Variants in SERGEF observed in about 807,000 individuals in gnomAD.
The protein encoded by SERGEF is secretion regulating guanine nucleotide exchange factor.
Under a neutral mutation model 50.0 loss-of-function variants are expected in SERGEF, and 51 were observed. The ratio of observed to expected loss-of-function variants is 1.02; its 90% CI spans 0.81 to 1.29. The LOEUF (loss-of-function observed/expected upper bound fraction) is 1.29. Ranked by LOEUF, SERGEF falls within the 50% of genes most tolerant of loss-of-function variation. The probability of loss-of-function intolerance (pLI) is 0.00; values close to 1 mark genes in which losing one functional copy is unlikely to be tolerated. For missense variants in SERGEF, 521 were observed against 557.0 expected, an observed-to-expected ratio of 0.94 and a Z score of 0.65; for synonymous variants, 205 against 212.4, an observed-to-expected ratio of 0.97 and a Z score of 0.30.
At chr11:17,826,945 A>ATCAGGTGACCAGCCCAGGT (rs1355888482) in intron 10 of SERGEF, among the ~76,000 whole-genome samples, 2 of 151,992 alleles carry the variant, frequency 1.3e-5, no homozygotes, top group Admixed American at 1.3e-4. Flanking sequence ...GCTTATAAGG[A>ATCAGGTGACCAGCCCAGGT]TCACACAGCT....
chr11:17,921,844 G>A (rs1302009189), intron 9 of SERGEF, among the ~76,000 whole-genome samples: 1 of 152,220 alleles, frequency 6.6e-6, no homozygotes, highest in African/African-American at 2.4e-5. Context: ...AACCAGCCTA[G>A]AATGACCGAC....
rs1380010911 is a variant in SERGEF at position 17,884,426 on chromosome 11, G to A, written c.1012-6182C>T. Among the ~76,000 whole-genome samples, 2 of 151,948 alleles carry A rather than the reference G, an allele frequency of 1.3e-5. No homozygotes were observed. Among genetic ancestry groups the A allele is most frequent in the African/African-American group, 4.8e-5 (2 of 41,360 alleles). The stretch of plus-strand genomic sequence containing the variant: ...GCGAGGGAATGGGCGTCTCGGTGCC[G>A]CCTTTGCTAGAGCTCTGCCCAAACC... On this transcript the variant is annotated intron_variant, in intron 9 of 10. Transcript: ENST00000265965. The surrounding 1 kb of genome is among the most constrained non-coding windows in gnomAD (Gnocchi z 4.6).
intron 6 of SERGEF, among the ~76,000 whole-genome samples, chr11:17,994,515 C>A (rs1853793609): frequency 6.7e-6 from 1 of 150,260 alleles, no homozygotes; most frequent in Non-Finnish European, 1.5e-5. Context: ...AGAATTTTTC[C>A]CAGAGGGAAC....
chr11:17,805,298 C>T (rs1440761047), intron 10 of SERGEF, among the ~76,000 whole-genome samples: 1 of 152,226 alleles, frequency 6.6e-6, no homozygotes, highest in Non-Finnish European at 1.5e-5. Flanking sequence ...AAAGCACCAG[C>T]TATGGTGATC....
At chr11:17,975,056 G>C (rs540927681) in intron 8 of SERGEF, among the ~76,000 whole-genome samples, 27 of 152,288 alleles carry the variant, frequency 1.8e-4, no homozygotes, top group African/African-American at 6.3e-4. Context: ...ACTATTGATG[G>C]CTCCCTGCCT....
chr11:17,824,561 T>G (rs1850153542), intron 10 of SERGEF, among the ~76,000 whole-genome samples: 1 of 152,182 alleles, frequency 6.6e-6, no homozygotes, highest in Non-Finnish European at 1.5e-5. Context: ...ACAGACTGGG[T>G]AGCTGAAACA....
intron 10 of SERGEF, among the ~76,000 whole-genome samples, chr11:17,858,894 T>C (rs987662164): frequency 1.3e-5 from 2 of 151,964 alleles, no homozygotes; most frequent in Admixed American, 6.6e-5. Context: ...GAATCCCTGA[T>C]AGAGGGATGC....
Position 17,961,267 on chromosome 11 carries a change from T to C in SERGEF, c.845-1631A>G, listed in dbSNP as rs539589351. 1.8e-3 allele frequency among the ~76,000 whole-genome samples: 270 copies of C among 152,304 alleles called. 1 individual carries two copies. The highest frequency in any genetic ancestry group is 0.01 in the Middle Eastern group (3 of 294). ...GTCACTGCATAATCACTCAACACTC[T>C]TCCTTCACTTCTGCAAGATTAGCCT... is the stretch of plus-strand genomic sequence containing the variant. On this transcript the variant is annotated intron_variant, in intron 8 of 10. Coordinates refer to ENST00000265965, the MANE Select transcript of SERGEF (RefSeq NM_012139.4).
intron 10 of SERGEF, among the ~76,000 whole-genome samples, chr11:17,801,147 ATAGCGCCACTGCACTCCGGCC>A (rs1483027906): frequency 3.5e-4 from 53 of 151,422 alleles, no homozygotes; most frequent in Non-Finnish European, 5.3e-4. Context: ...GTGAGCCGAG[ATAGCGCCACTGCACTCCGGCC>A]TGGGCGAAAG....
At chr11:17,966,788 A>G (rs1336652072) in intron 8 of SERGEF, among the ~76,000 whole-genome samples, 1 of 152,222 alleles carries the variant, frequency 6.6e-6, no homozygotes, top group Non-Finnish European at 1.5e-5. Context: ...CAGGCTGCCT[A>G]ACTAAAAAGG....
chr11:17,906,912 A>G (rs1851856533), intron 9 of SERGEF, among the ~76,000 whole-genome samples: 2 of 151,888 alleles, frequency 1.3e-5, no homozygotes, highest in African/African-American at 4.8e-5. Flanking sequence ...AATATATTTA[A>G]AGAATGATTC....
intron 9 of SERGEF, chr11:17,918,746 A>T (rs1308292183): frequency 2.2e-6 from 1 of 448,058 alleles, no homozygotes; most frequent in South Asian, 1.6e-5. Flanking sequence ...GACATCAGGG[A>T]AGACTTTCCA....
At position 17,866,834 on chromosome 11, in the gene SERGEF, AAGG is replaced by A. The variant is rs1431120314; in HGVS notation, c.1048+11371_1048+11373del. The A allele has an allele frequency of 6.6e-5, 10 of 152,366 alleles. No individual in the cohort carries two copies. In the East Asian group the frequency reaches 1.9e-3, roughly 29 times the overall value. 9.4% of individuals were successfully genotyped at this position (152,366 alleles called of 1,614,324 possible). On this transcript the variant is annotated intron_variant, in intron 10 of 10. Coordinates refer to ENST00000265965, the MANE Select transcript of SERGEF (RefSeq NM_012139.4). ...AGGCCTCACAATCGTGGCAGAAGAC[AAGG>A]AGAAGCAAGTCACATCTTACACTGA...
At chr11:17,933,896 A>G (rs1852401315) in intron 9 of SERGEF, among the ~76,000 whole-genome samples, 1 of 152,134 alleles carries the variant, frequency 6.6e-6, no homozygotes, top group African/African-American at 2.4e-5. Context: ...AGCAACAGAG[A>G]GGCCCAGTCA....
intron 9 of SERGEF, among the ~76,000 whole-genome samples, chr11:17,955,944 G>A (rs370847455): frequency 3.3e-5 from 5 of 152,132 alleles, no homozygotes; most frequent in African/African-American, 7.2e-5. Flanking sequence ...GAGCTGCTGG[G>A]GTATACATGT....
chr11:17,919,074 TC>T (rs980357505), intron 9 of SERGEF, among the ~76,000 whole-genome samples: 54 of 152,178 alleles, frequency 3.5e-4, no homozygotes, highest in Middle Eastern at 3.2e-3. Flanking sequence ...GAACCCCAAA[TC>T]CTTTTTGCAA....
intron 10 of SERGEF, among the ~76,000 whole-genome samples, chr11:17,818,816 C>G (rs926289603): frequency 2.0e-5 from 3 of 152,208 alleles, no homozygotes; most frequent in Non-Finnish European, 4.4e-5. Context: ...GACCCTGCTC[C>G]TAGCTCCTTT....
intron 5 of SERGEF, among the ~76,000 whole-genome samples, 197 bp from the exon 6 acceptor site, chr11:17,996,106 C>T (rs1853832687): frequency 6.6e-6 from 1 of 152,220 alleles, no homozygotes; most frequent in Non-Finnish European, 1.5e-5. Flanking sequence ...ATCCAGTCTT[C>T]AGGACAGACT....
At position 17,945,109 on chromosome 11, in the gene SERGEF, C is replaced by T. The variant is rs536356016; in HGVS notation, c.1011+14361G>A. Among the ~76,000 whole-genome samples the T allele has an allele frequency of 3.3e-5, 5 of 152,374 alleles. No individual in the cohort carries two copies. The South Asian group carries it at 1.0e-3, about 32-fold the overall frequency. ...ACTCATATTTGATACACAATTAGCA[C>T]TTTTCTCAGCTGCTAGGAGTATATT... is the stretch of plus-strand genomic sequence containing the variant. On this transcript the variant is annotated intron_variant, in intron 9 of 10. Coordinates refer to ENST00000265965, the MANE Select transcript of SERGEF (RefSeq NM_012139.4).
Sources: allele counts gnomAD v4.1 joint callset (sites outside exome capture counted in the v4.1 genomes callset), GRCh38; gene constraint gnomAD v4.1.1; non-coding constraint Gnocchi (gnomAD v3.1); transcripts MANE v1.5; gene names NCBI Gene and HGNC (gene_info 2026-07-23, HGNC 2026-07-21).